The following EPHA6 variants were observed in gnomAD, a reference collection of about 807,000 sequenced individuals.
The protein encoded by EPHA6 is ephrin type-A receptor 6.
In EPHA6, 50 loss-of-function variants were observed where a neutral mutation model predicts 112.0. That is an observed-to-expected ratio of 0.45 (90% CI 0.36 to 0.56). The LOEUF is 0.56. Ranked by LOEUF, EPHA6 falls within the 20% of genes least tolerant of loss-of-function variation. EPHA6 has a pLI of 0.00. For synonymous variants in EPHA6, 529 were observed against 490.7 expected, an observed-to-expected ratio of 1.08 and a Z score of -1.03; for missense variants, 1,280 against 1,417.4, an observed-to-expected ratio of 0.90 and a Z score of 1.56.
rs149287443 is a variant in EPHA6, at chr3:97,352,347, G to A, written c.1607-52803G>A. 2.2e-4 allele frequency among the ~76,000 whole-genome samples: 34 copies of A among 152,232 alleles called. No homozygotes were observed. In the East Asian group the frequency reaches 6.4e-3, roughly 29 times the overall value. On this transcript the variant is annotated intron_variant, in intron 5 of 17. Coordinates refer to ENST00000389672, the MANE Select transcript of EPHA6 (RefSeq NM_001080448.3). Reference sequence around the variant, plus strand: ...CATAAGAATCAAAAATCAGGTGAGCGATTACAGTCCCTGGTTTTAACATCA... The same window carrying A: ...CATAAGAATCAAAAATCAGGTGAGCAATTACAGTCCCTGGTTTTAACATCA...
intron 5 of EPHA6, among the ~76,000 whole-genome samples, chr3:97,380,116 A>G (rs2085641619): frequency 1.3e-5 from 2 of 152,282 alleles, no homozygotes; most frequent in African/African-American, 4.8e-5. Flanking sequence ...CTGTAATTGA[A>G]AACAGACCTT....
intron 3 of EPHA6, among the ~76,000 whole-genome samples, chr3:97,145,078 C>T (rs750563226): frequency 3.1e-4 from 47 of 151,328 alleles, no homozygotes; most frequent in Non-Finnish European, 2.1e-4. Context: ...TTTGCATATC[C>T]GTGTCTGTGT....
intron 3 of EPHA6, among the ~76,000 whole-genome samples, chr3:97,187,681 GAAAGAAGGAAAGAAAGAAA>G (rs1559784422): frequency 2.8e-5 from 3 of 105,296 alleles, no homozygotes; most frequent in Non-Finnish European, 6.0e-5. Context: ...GAAAGAGAAA[GAAAGAAGGAAAGAAAGAAA>G]GAAAGAAAGA....
intron 10 of EPHA6, among the ~76,000 whole-genome samples, chr3:97,513,303 A>G (rs1244736831): frequency 5.9e-5 from 9 of 152,302 alleles, no homozygotes; most frequent in Non-Finnish European, 1.3e-4. Context: ...CTGGGTATAT[A>G]TCCAAAGGAA....
intron 10 of EPHA6, among the ~76,000 whole-genome samples, chr3:97,494,218 C>G (rs569718017): frequency 2.0e-4 from 30 of 152,206 alleles, no homozygotes; most frequent in African/African-American, 6.7e-4. Flanking sequence ...TGGAAAAGTA[C>G]CTTAATTTTA....
chr3:97,756,199 T>A lies in EPHA6; in HGVS notation c.*7498T>A, dbSNP rs564154284. ...AGTTTTTCTTTGACTGTGCATGCTTTATTTATTACCATATTGTTTTTGTCT... is the reference window on the plus strand; with the variant it reads ...AGTTTTTCTTTGACTGTGCATGCTTAATTTATTACCATATTGTTTTTGTCT... On this transcript the variant is annotated 3_prime_UTR_variant, in exon 18 of 18. Transcript: ENST00000389672. 2.0e-5 allele frequency among the ~76,000 whole-genome samples: 3 copies of A among 152,114 alleles called. No individual in the cohort carries two copies. The South Asian group carries it at 6.2e-4, about 32-fold the overall frequency.
At chr3:97,462,333 AT>A (rs919669037) in intron 7 of EPHA6, among the ~76,000 whole-genome samples, 2 of 152,130 alleles carry the variant, frequency 1.3e-5, no homozygotes, top group Admixed American at 6.6e-5. Flanking sequence ...GTTCAGTATG[AT>A]TTTTTGGACC....
At chr3:96,925,806 A>G (rs779222671) in intron 2 of EPHA6, among the ~76,000 whole-genome samples, 1 of 151,968 alleles carries the variant, frequency 6.6e-6, no homozygotes, top group Non-Finnish European at 1.5e-5. Context: ...GGGTTTCACC[A>G]TGTTGTCCAG....
At chr3:97,371,831 G>A (rs531375028) in intron 5 of EPHA6, among the ~76,000 whole-genome samples, 1 of 152,172 alleles carries the variant, frequency 6.6e-6, no homozygotes, top group South Asian at 2.1e-4. Flanking sequence ...GCTGCTCTGG[G>A]GACGTCTGTC....
chr3:97,226,270 G>C lies in EPHA6; in HGVS notation c.1121G>C (p.Arg374Thr). Reference protein sequence around the residue: ...EEIEGSCHACRPGFYKAFAGN... With the variant: ...EEIEGSCHACTPGFYKAFAGN... Reference sequence around the variant, plus strand: ...TTTTTTTCTCTTTTTACAGCTTGCAGACCAGGATTCTATAAAGCTTTTGCT... The same window carrying C: ...TTTTTTTCTCTTTTTACAGCTTGCACACCAGGATTCTATAAAGCTTTTGCT... Residue 374 changes from arginine (R) to threonine (T), a missense_variant, in exon 4 of 18, where the codon AGA becomes ACA. This residue lies in a region of EPHA6 where 878 missense variants were observed against 999.7 expected (regional missense o/e 0.88). Coordinates refer to ENST00000389672, the MANE Select transcript of EPHA6 (RefSeq NM_001080448.3). 6.2e-7 allele frequency: 1 copy of C among 1,602,812 alleles called. No individual in the cohort carries two copies. Among genetic ancestry groups the C allele is most frequent in the Non-Finnish European group, 8.5e-7 (1 of 1,175,966 alleles).
At chr3:96,878,570 T>G (rs1331141397) in intron 2 of EPHA6, among the ~76,000 whole-genome samples, 1 of 152,062 alleles carries the variant, frequency 6.6e-6, no homozygotes, top group Non-Finnish European at 1.5e-5. Flanking sequence ...ATAGTCTAGA[T>G]GCAGACTATT....
At chr3:97,416,921 T>G (rs2088176206) in intron 6 of EPHA6, among the ~76,000 whole-genome samples, 1 of 152,142 alleles carries the variant, frequency 6.6e-6, no homozygotes, top group Non-Finnish European at 1.5e-5. Flanking sequence ...CATTCTCTTC[T>G]TTCCCTTTTT....
chr3:97,106,584 C>T (rs1559732170), intron 3 of EPHA6, among the ~76,000 whole-genome samples: 1 of 152,056 alleles, frequency 6.6e-6, no homozygotes, highest in Non-Finnish European at 1.5e-5. Context: ...ACTCATTTTC[C>T]AAGCCCACTT....
At chr3:97,151,879 G>A (rs780111762) in intron 3 of EPHA6, among the ~76,000 whole-genome samples, 33 of 151,902 alleles carry the variant, frequency 2.2e-4, no homozygotes, top group Non-Finnish European at 3.7e-4. Context: ...TATTAAGTAT[G>A]TATCGTAGTA....
At chr3:97,448,505 G>C in intron 6 of EPHA6, 63 bp from the exon 7 acceptor site, 6 of 1,542,688 alleles carry the variant, frequency 3.9e-6, no homozygotes, top group South Asian at 1.1e-5. Flanking sequence ...ACTTTGGAAT[G>C]TTTCTAGGAA....
chr3:97,264,312 A>G lies in EPHA6; in HGVS notation c.1606+20025A>G, dbSNP rs554460599. On this transcript the variant is annotated intron_variant, in intron 5 of 17. Coordinates refer to ENST00000389672, the MANE Select transcript of EPHA6 (RefSeq NM_001080448.3). The stretch of plus-strand genomic sequence containing the variant: ...AGTGGCAAGAAGCGTGTGTGTGAGC[A>G]TGGGGTCCGGCCATTGCGCACAGTT... Among the ~76,000 whole-genome samples the G allele has an allele frequency of 3.3e-5, 5 of 152,334 alleles. No individual in the cohort carries two copies. The East Asian group carries it at 9.7e-4, about 29-fold the overall frequency.
chr3:96,907,318 A>G (rs148081866), intron 2 of EPHA6, among the ~76,000 whole-genome samples: 2 of 151,778 alleles, frequency 1.3e-5, no homozygotes, highest in Admixed American at 6.6e-5. Context: ...GTCATTTATT[A>G]TATACCCCAC....
intron 3 of EPHA6, among the ~76,000 whole-genome samples, chr3:97,187,590 A>G (rs2077175146): frequency 6.6e-6 from 1 of 151,166 alleles, no homozygotes. Context: ...GTCAAAAAAA[A>G]AAAAAAAGAA....
chr3:97,753,478 A>G lies in EPHA6; in HGVS notation c.*4777A>G, dbSNP rs2035948462. On this transcript the variant is annotated 3_prime_UTR_variant, in exon 18 of 18. Transcript: ENST00000389672. ...AACCCCTCTGGCGGAGGGGAAGCAT[A>G]CTTCCTGGGTTCTCTAAAACAGTTT... Among the ~76,000 whole-genome samples the G allele has an allele frequency of 6.6e-6, 1 of 152,114 alleles. No individual in the cohort carries two copies. The highest frequency in any genetic ancestry group is 2.4e-5 in the African/African-American group (1 of 41,412).
Sources: allele counts gnomAD v4.1 joint callset (sites outside exome capture counted in the v4.1 genomes callset), GRCh38; gene constraint gnomAD v4.1.1; regional missense constraint gnomAD v4.1.1; transcripts MANE v1.5; gene names NCBI Gene and HGNC (gene_info 2026-07-23, HGNC 2026-07-21).